The following SPAG16 variants were observed in gnomAD, a reference collection of about 807,000 sequenced individuals.
The protein encoded by SPAG16 is sperm-associated antigen 16 protein.
Under a neutral mutation model 80.4 loss-of-function variants are expected in SPAG16, and 86 were observed. That is an observed-to-expected ratio of 1.07 (90% CI 0.90 to 1.28). The LOEUF (loss-of-function observed/expected upper bound fraction) is 1.28, where lower values mean the gene tolerates loss of function less well. Ranked by LOEUF, SPAG16 falls within the 50% of genes most tolerant of loss-of-function variation. The probability of loss-of-function intolerance (pLI) is 0.00; values close to 1 mark genes in which losing one functional copy is unlikely to be tolerated. For synonymous variants in SPAG16, 294 were observed against 265.9 expected (o/e 1.11, Z -1.03); for missense variants, 870 against 765.3 (o/e 1.14, Z -1.61).
At chr2:213,333,839 G>A (rs899669052) in intron 5 of SPAG16, among the ~76,000 whole-genome samples, 3 of 151,944 alleles carry the variant, frequency 2.0e-5, no homozygotes, top group Non-Finnish European at 2.9e-5. Flanking sequence ...CTCATCATGT[G>A]CAAAAATCAA....
intron 15 of SPAG16, among the ~76,000 whole-genome samples, chr2:214,308,528 C>A (rs182058768): frequency 1.1e-3 from 170 of 152,192 alleles, no homozygotes; most frequent in Non-Finnish European, 3.7e-4. Flanking sequence ...TGGTAACAAT[C>A]TTTTCTATCC....
At chr2:214,075,810 G>A (rs966957472) in intron 13 of SPAG16, among the ~76,000 whole-genome samples, 1 of 152,122 alleles carries the variant, frequency 6.6e-6, no homozygotes, top group Non-Finnish European at 1.5e-5. Flanking sequence ...TGTGCTTAAG[G>A]AAATGCATTC....
chr2:214,201,797 A>G (rs184294429), intron 15 of SPAG16, among the ~76,000 whole-genome samples: 29 of 152,216 alleles, frequency 1.9e-4, no homozygotes, highest in African/African-American at 7.0e-4. Flanking sequence ...TGCAATGTCA[A>G]AAATCACATT....
intron 10 of SPAG16, among the ~76,000 whole-genome samples, chr2:213,769,461 C>T (rs979736759): frequency 6.6e-6 from 1 of 152,106 alleles, no homozygotes; most frequent in Non-Finnish European, 1.5e-5. Flanking sequence ...TTGGTGACAG[C>T]GTTATCAGAT....
In SPAG16 at chr2:213,983,537, C is replaced by G. The variant is rs144237396; in HGVS notation, c.1401-30414C>G. ...AGCTTCTTATACTGTATAATTCAGA[C>G]TAAAATTTAACATAATTGTGATGGT... is the stretch of plus-strand genomic sequence containing the variant. On this transcript the variant is annotated intron_variant, in intron 12 of 15. Transcript: ENST00000331683. Among the ~76,000 whole-genome samples the G allele has an allele frequency of 4.3e-3, 652 of 152,012 alleles. 3 individuals carry two copies. Among genetic ancestry groups the G allele is most frequent in the African/African-American group, 0.014 (582 of 41,512 alleles).
At chr2:213,987,792 ATATAAT>A (rs1403033804) in intron 12 of SPAG16, among the ~76,000 whole-genome samples, 2 of 148,424 alleles carry the variant, frequency 1.3e-5, no homozygotes, top group Non-Finnish European at 3.0e-5. Flanking sequence ...CAGAAAAACT[ATATAAT>A]TATAAAATAT....
intron 11 of SPAG16, among the ~76,000 whole-genome samples, chr2:213,894,159 A>G (rs1282843329): frequency 1.3e-5 from 2 of 152,202 alleles, no homozygotes; most frequent in African/African-American, 2.4e-5. Flanking sequence ...TGCCCACTGT[A>G]TAATATTAGT....
chr2:213,749,527 T>A (rs2067988137), intron 10 of SPAG16, among the ~76,000 whole-genome samples: 1 of 152,200 alleles, frequency 6.6e-6, no homozygotes, highest in Non-Finnish European at 1.5e-5. Flanking sequence ...AAAAGCTACG[T>A]TAAATCTCTG....
At chr2:213,373,283 G>T (rs952930830) in intron 8 of SPAG16, among the ~76,000 whole-genome samples, 6 of 152,086 alleles carry the variant, frequency 3.9e-5, no homozygotes, top group African/African-American at 1.4e-4. Context: ...CATTTGTTCT[G>T]TAAATTTTTG....
intron 10 of SPAG16, among the ~76,000 whole-genome samples, chr2:213,497,943 G>A (rs2074569038): frequency 6.6e-6 from 1 of 151,990 alleles, no homozygotes; most frequent in Non-Finnish European, 1.5e-5. Flanking sequence ...GCTACATACT[G>A]GTATTTCCTA....
At chr2:213,881,138 C>G (rs1037325733) in intron 11 of SPAG16, among the ~76,000 whole-genome samples, 1 of 152,086 alleles carries the variant, frequency 6.6e-6, no homozygotes, top group Non-Finnish European at 1.5e-5. Flanking sequence ...TGATTTGTTT[C>G]AGCATTGTTT....
At chr2:213,410,572 G>T (rs2068911973) in intron 9 of SPAG16, among the ~76,000 whole-genome samples, 1 of 152,060 alleles carries the variant, frequency 6.6e-6, no homozygotes, top group Non-Finnish European at 1.5e-5. Context: ...AAAACCAACT[G>T]GTTTTTGTAA....
chr2:213,939,659 T>C (rs2079121037), intron 12 of SPAG16, among the ~76,000 whole-genome samples: 1 of 152,192 alleles, frequency 6.6e-6, no homozygotes, highest in South Asian at 2.1e-4. Context: ...GAAGCGGTTT[T>C]CACATGAAAA....
intron 10 of SPAG16, among the ~76,000 whole-genome samples, chr2:213,769,044 T>C (rs1018383768): frequency 6.6e-6 from 1 of 151,858 alleles, no homozygotes; most frequent in African/African-American, 2.4e-5. Context: ...ATAAAAAGGG[T>C]GAGGTCAGGT....
At chr2:213,323,031 A>G (rs2063689617) in intron 5 of SPAG16, among the ~76,000 whole-genome samples, 2 of 152,078 alleles carry the variant, frequency 1.3e-5, no homozygotes, top group African/African-American at 4.8e-5. Flanking sequence ...GAGCAGAAGC[A>G]TGTGAACAGG....
chr2:213,563,810 A>T (rs2059671546), intron 10 of SPAG16, among the ~76,000 whole-genome samples: 1 of 152,160 alleles, frequency 6.6e-6, no homozygotes, highest in Admixed American at 6.5e-5. Context: ...GCACATATTT[A>T]TTAACGAAGG....
intron 10 of SPAG16, among the ~76,000 whole-genome samples, chr2:213,561,170 C>G (rs916930475): frequency 1.3e-5 from 2 of 152,148 alleles, no homozygotes; most frequent in African/African-American, 4.8e-5. Context: ...GGCCAGCAAC[C>G]ATTAGCTTTT....
chr2:213,662,833 A>G (rs2063474290), intron 10 of SPAG16, among the ~76,000 whole-genome samples: 1 of 152,150 alleles, frequency 6.6e-6, no homozygotes, highest in African/African-American at 2.4e-5. Context: ...TAAAGAGATC[A>G]GATTGTATTA....
chr2:213,722,623 G>A (rs2066579444), intron 10 of SPAG16, among the ~76,000 whole-genome samples: 1 of 152,098 alleles, frequency 6.6e-6, no homozygotes, highest in Non-Finnish European at 1.5e-5. Context: ...GTAATAAGAA[G>A]GAATTTCACA....
Sources: gnomAD v4.1 joint callset for allele counts (sites outside exome capture counted in the v4.1 genomes callset) on GRCh38, gnomAD v4.1.1 for gene constraint, MANE v1.5 for transcripts, NCBI Gene and HGNC (gene_info 2026-07-23, HGNC 2026-07-21) for gene names.